Variants in NCEH1 observed in about 807,000 individuals in gnomAD.
The protein encoded by NCEH1 is neutral cholesterol ester hydrolase 1.
Under a neutral mutation model 25.4 loss-of-function variants are expected in NCEH1, and 9 were observed. That is an observed-to-expected ratio of 0.35 (90% CI 0.21 to 0.62). NCEH1 has a LOEUF of 0.62. Among genes scored for constraint, NCEH1 ranks in the 20% least tolerant of loss-of-function variants. The probability of loss-of-function intolerance (pLI) is 0.72; values close to 1 mark genes in which losing one functional copy is unlikely to be tolerated. For synonymous variants in NCEH1, 200 were observed against 199.8 expected (o/e 1.00, Z -0.01); for missense variants, 412 against 501.1 (o/e 0.82, Z 1.70).
At chr3:172,705,963 A>C (rs1187924165) in intron 1 of NCEH1, among the ~76,000 whole-genome samples, 1 of 141,772 alleles carries the variant, frequency 7.1e-6, no homozygotes, top group Admixed American at 7.7e-5. Context: ...ACGCCACTGC[A>C]CTCCAGCCTG....
At chr3:172,638,078 A>T (rs1716676096) in intron 3 of NCEH1, among the ~76,000 whole-genome samples, 1 of 152,140 alleles carries the variant, frequency 6.6e-6, no homozygotes, top group Non-Finnish European at 1.5e-5. Context: ...ACATCTTGAC[A>T]TTCATTGTAG....
chr3:172,674,406 G>A (rs34095618), intron 1 of NCEH1, among the ~76,000 whole-genome samples: 20,101 of 141,392 alleles, frequency 0.14, 1,550 homozygotes, highest in East Asian at 0.2. Context: ...TCGCGCCACT[G>A]CACTCCAGCC....
At chr3:172,649,052 A>T (rs1717267499) in intron 1 of NCEH1, among the ~76,000 whole-genome samples, 1 of 152,108 alleles carries the variant, frequency 6.6e-6, no homozygotes, top group Non-Finnish European at 1.5e-5. Flanking sequence ...AGAAATCAGG[A>T]CTATATGATG....
In NCEH1 at chr3:172,683,230, C is replaced by A. The variant is rs111797777; in HGVS notation, c.138+27617G>T. On this transcript the variant is annotated intron_variant, in intron 1 of 4. Coordinates refer to ENST00000475381, the MANE Select transcript of NCEH1 (RefSeq NM_020792.6). Reference sequence around the variant, plus strand: ...CATCCCAGCTAAAACGGTGAAACCCCGTCTCTACTAAAAATACAAAAAATT... The same window carrying A: ...CATCCCAGCTAAAACGGTGAAACCCAGTCTCTACTAAAAATACAAAAAATT... Among the ~76,000 whole-genome samples, 330 of 119,526 alleles carry A rather than the reference C, an allele frequency of 2.8e-3. 51 individuals are homozygous for A. Among genetic ancestry groups the A allele is most frequent in the African/African-American group, 0.011 (315 of 29,214 alleles). The allele number at this position is 119,526 out of a possible 152,430, so 78.4% of individuals were successfully genotyped here. A position where few individuals can be genotyped will look rare whatever the true frequency, so the allele number is the denominator to read the frequency against.
intron 3 of NCEH1, among the ~76,000 whole-genome samples, chr3:172,641,963 A>G (rs1032524157): frequency 1.3e-5 from 2 of 151,972 alleles, no homozygotes; most frequent in Non-Finnish European, 2.9e-5. Context: ...CACTTATCAC[A>G]CTTTTAACAT....
At chr3:172,659,146 T>G (rs12634021) in intron 1 of NCEH1, among the ~76,000 whole-genome samples, 1 of 151,938 alleles carries the variant, frequency 6.6e-6, no homozygotes, top group African/African-American at 2.4e-5. Context: ...CATTCATGAG[T>G]GTAGGAGTTT....
Position 172,681,618 on chromosome 3 carries a change from G to A in NCEH1, c.138+29229C>T, listed in dbSNP as rs140586890. Among the ~76,000 whole-genome samples, 395 of 151,680 alleles carry A rather than the reference G, an allele frequency of 2.6e-3. 1 individual carries two copies. Among genetic ancestry groups the A allele is most frequent in the African/African-American group, 8.9e-3 (367 of 41,316 alleles). On this transcript the variant is annotated intron_variant, in intron 1 of 4. Coordinates refer to ENST00000475381, the MANE Select transcript of NCEH1 (RefSeq NM_020792.6). ...AGACTGAACACATTCAGCCAGGTGC[G>A]TTGGCTCACACCTGTAATCCCAACA...
intron 1 of NCEH1, among the ~76,000 whole-genome samples, chr3:172,707,163 C>T (rs1459402981): frequency 6.6e-6 from 1 of 151,990 alleles, no homozygotes; most frequent in Non-Finnish European, 1.5e-5. Flanking sequence ...CTGAGATTAC[C>T]ATTTAAAAAA....
intron 1 of NCEH1, among the ~76,000 whole-genome samples, chr3:172,656,825 G>A (rs1577064229): frequency 1.3e-5 from 2 of 152,118 alleles, no homozygotes; most frequent in South Asian, 4.2e-4. Context: ...ATTGCAATCT[G>A]GCTTCAGCCC....
At chr3:172,689,250 A>ATTT in intron 1 of NCEH1, among the ~76,000 whole-genome samples, 1 of 119,534 alleles carries the variant, frequency 8.4e-6, no homozygotes, top group African/African-American at 3.9e-5. Context: ...ACTTGGAGTA[A>ATTT]CTTTTTTTTT....
intron 1 of NCEH1, among the ~76,000 whole-genome samples, chr3:172,693,884 G>A (rs762199811): frequency 1.6e-4 from 24 of 152,088 alleles, no homozygotes; most frequent in Non-Finnish European, 2.8e-4. Flanking sequence ...AGTATAGTAT[G>A]TGTATTTAAT....
chr3:172,636,192 A>G, intron 3 of NCEH1, 105 bp from the exon 4 acceptor site: 2 of 642,242 alleles, frequency 3.1e-6, no homozygotes, highest in Non-Finnish European at 5.4e-6. Flanking sequence ...TAGATAAGAA[A>G]TTAATTCAAT....
chr3:172,694,456 C>T (rs769183499), intron 1 of NCEH1, among the ~76,000 whole-genome samples: 11 of 151,928 alleles, frequency 7.2e-5, no homozygotes, highest in Admixed American at 1.3e-4. Context: ...TAATTTCCAT[C>T]GGTAACCTCC....
intron 1 of NCEH1, among the ~76,000 whole-genome samples, chr3:172,676,875 C>G (rs1005416078): frequency 6.6e-6 from 1 of 152,088 alleles, no homozygotes; most frequent in African/African-American, 2.4e-5. Flanking sequence ...AGTTTATACT[C>G]ACATCTCTGT....
chr3:172,673,973 C>A (rs1711797171), intron 1 of NCEH1, among the ~76,000 whole-genome samples: 1 of 152,150 alleles, frequency 6.6e-6, no homozygotes, highest in Non-Finnish European at 1.5e-5. Context: ...CCAATGTGTT[C>A]AGAGATTTCT....
intron 1 of NCEH1, among the ~76,000 whole-genome samples, chr3:172,661,358 G>A (rs1717963609): frequency 6.6e-6 from 1 of 152,194 alleles, no homozygotes; most frequent in Non-Finnish European, 1.5e-5. Flanking sequence ...CCAGTACCAT[G>A]CTGTTTTGGT....
At chr3:172,635,891 C>G in intron 4 of NCEH1, 25 bp downstream of exon 4, 1 of 1,610,426 alleles carries the variant, frequency 6.2e-7, no homozygotes, top group Non-Finnish European at 8.5e-7. Flanking sequence ...CTTAACCCAC[C>G]AGCACCTTAG....
intron 1 of NCEH1, among the ~76,000 whole-genome samples, chr3:172,668,449 G>A (rs1718332615): frequency 7.2e-6 from 1 of 138,180 alleles, no homozygotes. Context: ...CCGCCTCCCA[G>A]GTTCAAGCGA....
At position 172,653,735 on chromosome 3, in the gene NCEH1, G is replaced by GTTTTTTTTTTT. The variant is rs1553830302; in HGVS notation, c.139-5622_139-5621insAAAAAAAAAAA. ...TTGTTTTTGTTGTTGTTGTTGTTCT[G>GTTTTTTTTTTT]TTTTTTTTGTTTTTTTGTTTTTTTG... On this transcript the variant is annotated intron_variant, in intron 1 of 4. Transcript: ENST00000475381. 6.1e-4 allele frequency among the ~76,000 whole-genome samples: 43 copies of GTTTTTTTTTTT among 70,986 alleles called. 1 individual carries two copies. The highest frequency in any genetic ancestry group is 1.9e-3 in the African/African-American group (38 of 19,684). 46.6% of individuals were successfully genotyped at this position (70,986 alleles called of 152,430 possible).
Sources: gnomAD v4.1 joint callset for allele counts (sites outside exome capture counted in the v4.1 genomes callset) on GRCh38, gnomAD v4.1.1 for gene constraint, MANE v1.5 for transcripts, NCBI Gene and HGNC (gene_info 2026-07-23, HGNC 2026-07-21) for gene names.